The following PNPLA7 variants were observed in gnomAD, a reference collection of about 807,000 sequenced individuals.
PNPLA7 encodes the protein patatin like domain 7, lysophospholipase, also known as patatin-like phospholipase domain-containing protein 7.
A neutral mutation model predicts 161.7 loss-of-function variants in PNPLA7; 153 were observed. That is an observed-to-expected ratio of 0.95 (90% CI 0.83 to 1.08). The LOEUF is 1.08. Ranked by LOEUF, PNPLA7 falls within the 50% of genes least tolerant of loss-of-function variation. The pLI is 0.00. For synonymous variants in PNPLA7, 809 were observed against 782.1 expected (o/e 1.03, Z -0.57); for missense variants, 1,739 against 1,856.6 (o/e 0.94, Z 1.16).
At chr9:137,502,516 C>A (rs571798562) in intron 14 of PNPLA7, among the ~76,000 whole-genome samples, 1 of 147,426 alleles carries the variant, frequency 6.8e-6, no homozygotes, top group Non-Finnish European at 1.5e-5. Context: ...AGAATCTGAG[C>A]AGCCACATAT....
chr9:137,503,816 AT>A (rs1564324594), intron 14 of PNPLA7, among the ~76,000 whole-genome samples: 5 of 522 alleles, frequency 9.6e-3, no homozygotes, highest in East Asian at 0.045. Flanking sequence ...AAGGAAGAAG[AT>A]GAAGGAAGAA....
At chr9:137,502,889 A>G (rs1588621006) in intron 14 of PNPLA7, among the ~76,000 whole-genome samples, 1 of 151,644 alleles carries the variant, frequency 6.6e-6, no homozygotes, top group South Asian at 2.1e-4. Flanking sequence ...TGAATCCTGA[A>G]ATATCCACCA....
chr9:137,460,449 G>A lies in PNPLA7; in HGVS notation c.3973C>T (p.His1325Tyr). 6.2e-7 allele frequency: 1 copy of A among 1,612,706 alleles called. No individual in the cohort carries two copies. Among genetic ancestry groups the A allele is most frequent in the South Asian group, 1.1e-5 (1 of 91,082 alleles). Residue 1325 changes from histidine (H) to tyrosine (Y), a missense_variant, in exon 35 of 35, where the codon CAC becomes TAC. His to Tyr is a moderately conservative substitution (Grantham distance 83, BLOSUM62 2). Around this residue, in one of 6 missense-constraint regions of PNPLA7, gnomAD observed 703 missense variants for 694.6 expected, o/e 1.01. Transcript: ENST00000406427. ...AGTTTTGGGAAAGCCAGACTGGGGT[G>A]TCGATGCCGCAGTGAGGACTCGTCC... Reference protein sequence around the residue: ...LEDESSLRHRHPSLAFPKLSE... With the variant: ...LEDESSLRHRYPSLAFPKLSE...
rs1834575641 is a variant in PNPLA7 at position 137,516,433 on chromosome 9, C to A, written c.1085-914G>T. ...GCCCTGGTCTCTGCCAAGACCTCATCCAGGACAGCTGCTGCCCCATCAAGT... is the reference window on the plus strand; with the variant it reads ...GCCCTGGTCTCTGCCAAGACCTCATACAGGACAGCTGCTGCCCCATCAAGT... On this transcript the variant is annotated intron_variant, in intron 11 of 34. Coordinates refer to ENST00000406427, the MANE Select transcript of PNPLA7 (RefSeq NM_001098537.3). 10 of 985,222 alleles carry A rather than the reference C, an allele frequency of 1.0e-5. No homozygotes were observed. In the South Asian group the frequency reaches 4.2e-4, roughly 42 times the overall value. The allele number at this position is 985,222 out of a possible 1,614,324, so 61.0% of individuals were successfully genotyped here. A position where few individuals can be genotyped will look rare whatever the true frequency, so the allele number is the denominator to read the frequency against.
intron 25 of PNPLA7, among the ~76,000 whole-genome samples, chr9:137,471,965 G>T (rs139148985): frequency 1.3e-5 from 2 of 152,244 alleles, no homozygotes; most frequent in African/African-American, 4.8e-5. Context: ...TCGATGCCAA[G>T]ACTGACTGTG....
intron 8 of PNPLA7, among the ~76,000 whole-genome samples, chr9:137,529,048 ACTACAGCAGCACACTCAGAGCTTCCTT>A (rs1307606464): frequency 8.5e-5 from 13 of 152,144 alleles, no homozygotes; most frequent in Admixed American, 7.2e-4. Flanking sequence ...CCTGAGCTAT[ACTACAGCAGCACACTCAGAGCTTCCTT>A]CAGCCTCAGC....
chr9:137,503,888 G>A (rs796107141), intron 14 of PNPLA7, among the ~76,000 whole-genome samples: 6 of 40,894 alleles, frequency 1.5e-4, no homozygotes, highest in East Asian at 1.1e-3. Context: ...GAAAGAAGAA[G>A]GAAGAAGAAG....
At chr9:137,521,970 C>T (rs998754444) in intron 9 of PNPLA7, among the ~76,000 whole-genome samples, 5 of 152,220 alleles carry the variant, frequency 3.3e-5, no homozygotes, top group Non-Finnish European at 4.4e-5. Flanking sequence ...TCTAAAGTTA[C>T]TCCAAAGTGA....
At chr9:137,517,064 C>T (rs1182345986) in intron 11 of PNPLA7, among the ~76,000 whole-genome samples, 2 of 145,718 alleles carry the variant, frequency 1.4e-5, no homozygotes, top group Non-Finnish European at 3.0e-5. Context: ...TCTGTCCACT[C>T]CATCCCACAC....
chr9:137,550,292 T>G lies in PNPLA7; in HGVS notation c.-95A>C. On this transcript the variant is annotated 5_prime_UTR_variant, in exon 1 of 35. Transcript: ENST00000406427. ...CCCGCTCATGCTCACACCTGGACAC[T>G]TTTCCCTGGGTTCCTTTCAAGTCAA... 1 of 1,364,814 alleles carries G rather than the reference T, an allele frequency of 7.3e-7. No individual in the cohort carries two copies. The highest frequency in any genetic ancestry group is 1.0e-6 in the Non-Finnish European group (1 of 957,086). The allele number at this position is 1,364,814 out of a possible 1,614,324, so 84.5% of individuals were successfully genotyped here. A position where few individuals can be genotyped will look rare whatever the true frequency, so the allele number is the denominator to read the frequency against.
chr9:137,521,587 G>A (rs774454858), intron 10 of PNPLA7, 49 bp downstream of exon 10: 13 of 1,579,732 alleles, frequency 8.2e-6, no homozygotes, highest in East Asian at 2.3e-5. Context: ...CTGTCCCGAT[G>A]CCAGCTGCAT....
At chr9:137,509,172 G>A (rs777309463) in intron 12 of PNPLA7, 55 of 154,876 alleles carry the variant, frequency 3.6e-4, no homozygotes, top group Middle Eastern at 3.2e-3. Context: ...ACATGAGTGA[G>A]TTAGCTGGCA....
At chr9:137,507,241 A>G (rs1298981835) in intron 12 of PNPLA7, among the ~76,000 whole-genome samples, 3 of 152,246 alleles carry the variant, frequency 2.0e-5, no homozygotes, top group South Asian at 2.1e-4. Flanking sequence ...AAAGCAATCT[A>G]TGGCAACAAA....
intron 12 of PNPLA7, among the ~76,000 whole-genome samples, chr9:137,511,634 A>G (rs773220975): frequency 6.6e-6 from 1 of 152,162 alleles, no homozygotes; most frequent in South Asian, 2.1e-4. Context: ...CTGCTCCACC[A>G]GTTCTTGTGG....
chr9:137,496,930 C>T (rs554529094), intron 18 of PNPLA7, among the ~76,000 whole-genome samples: 2 of 152,326 alleles, frequency 1.3e-5, no homozygotes, highest in African/African-American at 4.8e-5. Context: ...CCAGTGCTCC[C>T]AGATGCCAGG....
intron 8 of PNPLA7, among the ~76,000 whole-genome samples, chr9:137,529,063 T>C (rs1293169114): frequency 6.6e-6 from 1 of 152,136 alleles, no homozygotes; most frequent in East Asian, 1.9e-4. Flanking sequence ...AGCAGCACAC[T>C]CAGAGCTTCC....
At chr9:137,522,682 A>G in intron 9 of PNPLA7, 47 bp downstream of exon 9, 1 of 1,607,180 alleles carries the variant, frequency 6.2e-7, no homozygotes, top group Non-Finnish European at 8.5e-7. Context: ...AGGCCCCCCC[A>G]GGGTGACCCA....
intron 8 of PNPLA7, among the ~76,000 whole-genome samples, chr9:137,539,009 G>A (rs1836042612): frequency 1.3e-5 from 2 of 152,140 alleles, no homozygotes; most frequent in Non-Finnish European, 2.9e-5. Flanking sequence ...CCAAGATCGT[G>A]GCACTGCACT....
At chr9:137,497,754 C>G (rs1256465468) in intron 17 of PNPLA7, among the ~76,000 whole-genome samples, 1 of 152,242 alleles carries the variant, frequency 6.6e-6, no homozygotes, top group African/African-American at 2.4e-5. Context: ...GTCTCAAACT[C>G]CTGACCTTGT....
Sources: gnomAD v4.1 joint callset for allele counts (sites outside exome capture counted in the v4.1 genomes callset) on GRCh38, gnomAD v4.1.1 for gene constraint, gnomAD v4.1.1 regional missense constraint, MANE v1.5 for transcripts, NCBI Gene and HGNC (gene_info 2026-07-23, HGNC 2026-07-21) for gene names.